The following LSAMP variants were observed in gnomAD, a reference collection of about 807,000 sequenced individuals.
The protein encoded by LSAMP is limbic system-associated membrane protein.
Under a neutral mutation model 38.6 loss-of-function variants are expected in LSAMP, and 7 were observed. The observed-to-expected ratio is 0.18, with a 90% confidence interval of 0.10 to 0.34. The LOEUF is 0.34. Among genes scored for constraint, LSAMP ranks in the 10% least tolerant of loss-of-function variants. The pLI, the probability that LSAMP is intolerant of heterozygous loss-of-function variation, is 1.00. For synonymous variants in LSAMP, 154 were observed against 166.8 expected, an observed-to-expected ratio of 0.92 and a Z score of 0.59; for missense variants, 313 against 420.0, an observed-to-expected ratio of 0.75 and a Z score of 2.23.
At chr3:116,027,653 C>T (rs141290319) in intron 2 of LSAMP, among the ~76,000 whole-genome samples, 41 of 152,234 alleles carry the variant, frequency 2.7e-4, no homozygotes, top group African/African-American at 7.5e-4. Context: ...CTTTGTTGCA[C>T]GTTAAGCATT....
In LSAMP at chr3:116,103,919, C is replaced by T. The variant is rs544046611; in HGVS notation, c.156-17363G>A. Among the ~76,000 whole-genome samples the T allele has an allele frequency of 1.6e-3, 247 of 152,148 alleles. 1 individual carries two copies. The highest frequency in any genetic ancestry group is 2.6e-3 in the Non-Finnish European group (177 of 67,988). On this transcript the variant is annotated intron_variant, in intron 1 of 6. Transcript: ENST00000490035. ...ATAAAATTTCTGATTTATCATTGTA[C>T]CTTTGTATAATACCTGAATCACAGA...
chr3:116,216,143 A>G (rs949175121), intron 1 of LSAMP, among the ~76,000 whole-genome samples: 2 of 152,146 alleles, frequency 1.3e-5, no homozygotes, highest in African/African-American at 4.8e-5. Context: ...GTGACAGAAA[A>G]CTAAGTTTAA....
intron 1 of LSAMP, among the ~76,000 whole-genome samples, chr3:116,198,103 G>A (rs1242724995): frequency 6.6e-6 from 1 of 152,152 alleles, no homozygotes; most frequent in Non-Finnish European, 1.5e-5. Context: ...GAAAGATGAC[G>A]TTCAAAAGAT....
chr3:116,319,804 G>C (rs374052325), intron 1 of LSAMP, among the ~76,000 whole-genome samples: 1 of 128,330 alleles, frequency 7.8e-6, no homozygotes, highest in African/African-American at 3.1e-5. Context: ...TTTTTTTTTT[G>C]TTTTTTTTTT....
At chr3:116,346,816 A>C (rs1425765945) in intron 1 of LSAMP, among the ~76,000 whole-genome samples, 1 of 152,172 alleles carries the variant, frequency 6.6e-6, no homozygotes, top group Non-Finnish European at 1.5e-5. Context: ...TTTTGTTTCT[A>C]CACATATCCT....
chr3:115,953,950 G>C (rs141534172), intron 3 of LSAMP, among the ~76,000 whole-genome samples: 1 of 152,120 alleles, frequency 6.6e-6, no homozygotes, highest in East Asian at 1.9e-4. Flanking sequence ...TTCTGTAAGA[G>C]GCCATCCTTG....
chr3:115,908,805 C>T (rs1348097631), intron 3 of LSAMP, among the ~76,000 whole-genome samples: 2 of 152,132 alleles, frequency 1.3e-5, no homozygotes, highest in South Asian at 2.1e-4. Context: ...GCTTTCTTTA[C>T]AAAAGCCTCT....
At chr3:116,416,375 T>G (rs922970763) in intron 1 of LSAMP, among the ~76,000 whole-genome samples, 2 of 152,074 alleles carry the variant, frequency 1.3e-5, no homozygotes, top group Non-Finnish European at 2.9e-5. Context: ...AGCACCATGA[T>G]TAGAGTTGGA....
chr3:116,112,320 G>A (rs1708634005), intron 1 of LSAMP, among the ~76,000 whole-genome samples: 1 of 152,190 alleles, frequency 6.6e-6, no homozygotes, highest in South Asian at 2.1e-4. Context: ...GGACGCATAA[G>A]TATGATACAG....
chr3:116,256,647 CCT>C (rs2046755307), intron 1 of LSAMP, among the ~76,000 whole-genome samples: 2 of 146,924 alleles, frequency 1.4e-5, no homozygotes, highest in Non-Finnish European at 2.9e-5. Context: ...AATATCTGAT[CCT>C]CTCTAAATTG....
chr3:116,068,067 G>A (rs956913409), intron 2 of LSAMP, among the ~76,000 whole-genome samples: 3 of 152,230 alleles, frequency 2.0e-5, no homozygotes, highest in Non-Finnish European at 2.9e-5. Context: ...CCAATTTAAC[G>A]AGGGGATGAA....
intron 1 of LSAMP, among the ~76,000 whole-genome samples, chr3:116,252,249 A>C (rs2046693231): frequency 6.6e-6 from 1 of 151,942 alleles, no homozygotes; most frequent in Admixed American, 6.5e-5. Flanking sequence ...GTACCCACTT[A>C]AGGAGGGCAA....
At chr3:116,172,776 A>T (rs1710233852) in intron 1 of LSAMP, among the ~76,000 whole-genome samples, 1 of 151,982 alleles carries the variant, frequency 6.6e-6, no homozygotes, top group Admixed American at 6.6e-5. Context: ...TCATTAGTGT[A>T]ATGGATGTTT....
chr3:116,123,181 C>T (rs1708921780), intron 1 of LSAMP, among the ~76,000 whole-genome samples: 1 of 152,168 alleles, frequency 6.6e-6, no homozygotes, highest in Non-Finnish European at 1.5e-5. Flanking sequence ...CACATGTAAA[C>T]AGATATAACC....
intron 1 of LSAMP, among the ~76,000 whole-genome samples, chr3:116,346,998 T>C (rs79104013): frequency 0.063 from 9,562 of 152,196 alleles, 417 homozygotes; most frequent in African/African-American, 0.13. Context: ...TTATGTAATT[T>C]TGAAAAATAT....
At chr3:116,011,943 C>T (rs1313071273) in intron 3 of LSAMP, among the ~76,000 whole-genome samples, 3 of 152,128 alleles carry the variant, frequency 2.0e-5, no homozygotes, top group Non-Finnish European at 4.4e-5. Flanking sequence ...TAAATCAGAC[C>T]TACCCTGTCA....
intron 1 of LSAMP, among the ~76,000 whole-genome samples, chr3:116,184,791 CTGGTTG>C (rs1293961159): frequency 5.3e-5 from 8 of 151,802 alleles, no homozygotes; most frequent in Non-Finnish European, 1.2e-4. Context: ...CTGAATCTTG[CTGGTTG>C]ATTTTTCCTA....
chr3:115,875,743 T>C (rs12492086), intron 3 of LSAMP, among the ~76,000 whole-genome samples: 29,156 of 151,722 alleles, frequency 0.19, 3,625 homozygotes, highest in African/African-American at 0.34. Context: ...ATACCAAAAA[T>C]AGGCCTTATG....
At chr3:116,186,781 C>T (rs1710628821) in intron 1 of LSAMP, among the ~76,000 whole-genome samples, 1 of 152,082 alleles carries the variant, frequency 6.6e-6, no homozygotes, top group African/African-American at 2.4e-5. Context: ...TGGTATTTTA[C>T]TTTTACTCCT....
Sources: allele counts gnomAD v4.1 joint callset (sites outside exome capture counted in the v4.1 genomes callset), GRCh38; gene constraint gnomAD v4.1.1; transcripts MANE v1.5; gene names NCBI Gene and HGNC (gene_info 2026-07-23, HGNC 2026-07-21).